The following PLD4 variants were observed in gnomAD, a reference collection of about 807,000 sequenced individuals.
The protein encoded by PLD4 is 5'-3' exonuclease PLD4.
A neutral mutation model predicts 52.3 loss-of-function variants in PLD4; 54 were observed. That is an observed-to-expected ratio of 1.03 (90% CI 0.83 to 1.30). The LOEUF (loss-of-function observed/expected upper bound fraction) is 1.30. Ranked by LOEUF, PLD4 falls within the 50% of genes most tolerant of loss-of-function variation. The pLI is 0.00. For missense variants in PLD4, 731 were observed against 671.1 expected, an observed-to-expected ratio of 1.09 and a Z score of -0.99; for synonymous variants, 264 against 286.5, an observed-to-expected ratio of 0.92 and a Z score of 0.79.
At chr14:104,935,651 CAT>C (rs1265538492), downstream of PLD4, 8 of 152,222 alleles carry the variant, frequency 5.3e-5, no homozygotes, top group African/African-American at 1.9e-4. Flanking sequence ...GATCATGTGA[CAT>C]AAGATTATAA....
Position 104,927,825 on chromosome 14 carries a change from GC to G in PLD4, c.247del (p.Leu83TrpfsTer155). The G allele has an allele frequency of 1.3e-6, 2 of 1,588,938 alleles. No homozygotes were observed. The highest frequency in any genetic ancestry group is 1.7e-5 in the Admixed American group (1 of 58,990). On this transcript the variant is annotated frameshift_variant, in exon 3 of 11. Coordinates refer to ENST00000392593, the MANE Select transcript of PLD4 (RefSeq NM_138790.5). LOFTEE classifies it high-confidence loss of function. Reference sequence around the variant, plus strand: ...AGCATGGCTCCAGCCCAGCTTGGGAGCCCCTGGAAGCAGAGGCCAGGCAGCA... The same window carrying G: ...AGCATGGCTCCAGCCCAGCTTGGGAGCCCTGGAAGCAGAGGCCAGGCAGCA... ...WEHGSSPAWEPLEAEARQQRD... is the reference protein window; with the variant it reads ...WEHGSSPAWEXLEAEARQQRD...
chr14:104,932,250 TC>T lies in PLD4; in HGVS notation c.1225-5del. On this transcript the variant is annotated splice_polypyrimidine_tract_variant and splice_region_variant and intron_variant, in intron 9 of 10. Coordinates refer to ENST00000392593, the MANE Select transcript of PLD4 (RefSeq NM_138790.5). This position sits in a 1 kb window ranked among gnomAD's most constrained non-coding sequence, Gnocchi z 6.5. ...GCCCTTCCTGACGCGCTGCCTCTGC[TC>T]CCCTAAGAAAGTCTTCATCGTGCCG... The T allele has an allele frequency of 6.2e-7, 1 of 1,612,468 alleles. No individual in the cohort carries two copies. The highest frequency in any genetic ancestry group is 8.5e-7 in the Non-Finnish European group (1 of 1,179,744).
chr14:104,931,530 G>T (rs1897644170), intron 7 of PLD4, among the ~76,000 whole-genome samples: 3 of 152,136 alleles, frequency 2.0e-5, no homozygotes, highest in Admixed American at 2.0e-4. Flanking sequence ...CCAGCCTGGA[G>T]CCCAGGGCAG....
chr14:104,931,068 G>C, intron 7 of PLD4, 126 bp downstream of exon 7: 2 of 1,090,562 alleles, frequency 1.8e-6, no homozygotes. Flanking sequence ...CAGGCAGCCA[G>C]CACCATGGGT....
chr14:104,932,970 G>A lies in PLD4; in HGVS notation c.*6G>A. Reference sequence around the variant, plus strand: ...ACTGCGTTTGGCAGGGCTGAGGGGGGCCTCTTTTTCTCTCGGCGACCCCGC... The same window carrying A: ...ACTGCGTTTGGCAGGGCTGAGGGGGACCTCTTTTTCTCTCGGCGACCCCGC... On this transcript the variant is annotated 3_prime_UTR_variant, in exon 11 of 11. Transcript: ENST00000392593. The surrounding 1 kb of genome is among the most constrained non-coding windows in gnomAD (Gnocchi z 6.5). The A allele has an allele frequency of 6.4e-7, 1 of 1,568,868 alleles. No homozygotes were observed.
At chr14:104,925,373 G>A (rs1488026507) in intron 1 of PLD4, among the ~76,000 whole-genome samples, 2 of 152,216 alleles carry the variant, frequency 1.3e-5, no homozygotes, top group African/African-American at 4.8e-5. Context: ...CCTGGCTGGC[G>A]GTCCTCCCAG....
intron 6 of PLD4, 49 bp from the exon 7 acceptor site, chr14:104,930,692 GC>G: frequency 6.3e-7 from 1 of 1,586,712 alleles, no homozygotes. Context: ...TGGGGTGGAG[GC>G]CCCACAGAGG....
chr14:104,928,691 G>A (rs1897535842), intron 3 of PLD4, 58 bp from the exon 4 acceptor site: 10 of 1,481,290 alleles, frequency 6.8e-6, no homozygotes, highest in African/African-American at 4.2e-5. Flanking sequence ...GGCAGGTGAT[G>A]TGAGGTGGGC....
rs1267746080 is a variant in PLD4, at chr14:104,929,338, T to C, written c.500T>C (p.Leu167Pro). 5.7e-6 allele frequency: 9 copies of C among 1,576,590 alleles called. No homozygotes were observed. Among genetic ancestry groups the C allele is most frequent in the Non-Finnish European group, 7.7e-6 (9 of 1,161,610 alleles). The part of the protein sequence containing the change: ...GEALLQKLQQ[L>P]LGRNISLAVA... ...GCTCTTCTGCAGAAGCTGCAGCAGC[T>C]GCTGGGCAGGAACATTTCCCTGGCT... The change falls in exon 5 of 11, where the codon CTG (leucine) becomes CCG (proline). Residue 167 changes from leucine to proline, a missense_variant. By Grantham distance (98) the Leu-to-Pro change is moderately conservative (BLOSUM62 -3). Transcript: ENST00000392593.
rs143703446 is a variant in PLD4, at chr14:104,930,933, C to A, written c.909C>A (p.Ala303=). Residue 303 remains alanine, a synonymous_variant, in exon 7 of 11, where the codon GCC becomes GCA. Transcript: ENST00000392593. ...TCTTTGATGGGGTGCCCACCACTGC[C>A]TACTTCTCAGTAAGACGGGTTGAGA... The part of the protein sequence containing the change: ...HGLFDGVPTT[A]YFSASPPALC... 16,153 of 1,613,136 alleles carry A rather than the reference C, an allele frequency of 0.01. 137 individuals carry two copies. The highest frequency in any genetic ancestry group is 0.015 in the South Asian group (1,375 of 91,078).
At chr14:104,935,472 G>A (rs1176981105), downstream of PLD4, 1 of 152,270 alleles carries the variant, frequency 6.6e-6, no homozygotes, top group Admixed American at 6.5e-5. Flanking sequence ...GTGCCACAAT[G>A]TGGCCCCTTC....
At chr14:104,933,287 A>AG (rs1469533815), downstream of PLD4, 3 of 264,780 alleles carry the variant, frequency 1.1e-5, no homozygotes, top group Non-Finnish European at 2.1e-5. Flanking sequence ...CCTCTTGCCA[A>AG]GGGCCCGCCT....
intron 1 of PLD4, among the ~76,000 whole-genome samples, chr14:104,925,526 G>T (rs1195008689): frequency 1.3e-5 from 2 of 152,184 alleles, no homozygotes; most frequent in South Asian, 4.1e-4. Flanking sequence ...GAGCATTTAA[G>T]GGAGCAAAGG....
intron 7 of PLD4, among the ~76,000 whole-genome samples, 191 bp from the exon 8 acceptor site, chr14:104,931,556 AC>A (rs1897644818): frequency 6.6e-6 from 1 of 151,604 alleles, no homozygotes; most frequent in African/African-American, 2.4e-5. Flanking sequence ...CTGCTTCCCC[AC>A]TCTCTCCGCC....
Position 104,932,210 on chromosome 14 carries a change from G to C in PLD4, c.1224+33G>C, listed in dbSNP as rs764571811. 2 of 1,612,174 alleles carry C rather than the reference G, an allele frequency of 1.2e-6. No individual in the cohort carries two copies. The highest frequency in any genetic ancestry group is 1.7e-6 in the Non-Finnish European group (2 of 1,179,666). The stretch of plus-strand genomic sequence containing the variant: ...CGTGCTCCCGGCCGGGCGTGGGAAA[G>C]GCGGCCCTCCTGCCGCCCTTCCTGA... On this transcript the variant is annotated intron_variant, in intron 9 of 10. Coordinates refer to ENST00000392593, the MANE Select transcript of PLD4 (RefSeq NM_138790.5). This position sits in a 1 kb window ranked among gnomAD's most constrained non-coding sequence, Gnocchi z 6.5.
At position 104,928,877 on chromosome 14, in the gene PLD4, A is replaced by G; in HGVS notation, c.413A>G (p.Tyr138Cys). Residue 138 changes from tyrosine (Y) to cysteine (C), a missense_variant, in exon 4 of 11, where the codon TAC (tyrosine) becomes TGC (cysteine). By Grantham distance (194) the Tyr-to-Cys change is radical (BLOSUM62 -2). Transcript: ENST00000392593. ...TAQESVHVAS[Y>C]YWSLTGPDIG... Reference sequence around the variant, plus strand: ...CAGGAGAGCGTCCACGTGGCTTCATACTACTGGTCCCTCACAGGGCCTGAC... The same window carrying G: ...CAGGAGAGCGTCCACGTGGCTTCATGCTACTGGTCCCTCACAGGGCCTGAC... 1 of 1,611,454 alleles carries G rather than the reference A, an allele frequency of 6.2e-7. No individual in the cohort carries two copies. Among genetic ancestry groups the G allele is most frequent in the Non-Finnish European group, 8.5e-7 (1 of 1,178,718 alleles).
chr14:104,931,409 G>A (rs1027503023), intron 7 of PLD4, among the ~76,000 whole-genome samples: 1 of 152,060 alleles, frequency 6.6e-6, no homozygotes, highest in Admixed American at 6.5e-5. Context: ...CTGGTCTGTA[G>A]TAGAGGCTGT....
At position 104,930,067 on chromosome 14, in the gene PLD4, A is replaced by G; in HGVS notation, c.679A>G (p.Met227Val). 1 of 1,613,520 alleles carries G rather than the reference A, an allele frequency of 6.2e-7. No homozygotes were observed. The highest frequency in any genetic ancestry group is 8.5e-7 in the Non-Finnish European group (1 of 1,179,942). The stretch of plus-strand genomic sequence containing the variant: ...GGTTGTGGATGGACGGCACATATAC[A>G]TGGGCAGTGCCAACATGGACTGGCG... ...FWVVDGRHIY[M>V]GSANMDWRSL... Residue 227 changes from methionine to valine, a missense_variant, in exon 6 of 11, where the codon ATG becomes GTG. By Grantham distance (21) the Met-to-Val change is conservative (BLOSUM62 1). Transcript: ENST00000392593.
Position 104,928,896 on chromosome 14 carries a change from G to A in PLD4, c.432G>A (p.Gly144=). Residue 144 remains glycine (G), a synonymous_variant, in exon 4 of 11, where the codon GGG becomes GGA. Transcript: ENST00000392593. ...CTTCATACTACTGGTCCCTCACAGG[G>A]CCTGACATCGGGGTCAACGACTCGT... ...HVASYYWSLT[G]PDIGVNDSSS... is the part of the protein sequence containing the mutation. 1.9e-6 allele frequency: 3 copies of A among 1,608,516 alleles called. No individual in the cohort carries two copies. The highest frequency in any genetic ancestry group is 2.6e-6 in the Non-Finnish European group (3 of 1,176,290).
Sources: gnomAD v4.1 joint callset for allele counts (sites outside exome capture counted in the v4.1 genomes callset) on GRCh38, gnomAD v4.1.1 for gene constraint, Gnocchi (gnomAD v3.1) non-coding constraint, MANE v1.5 for transcripts, NCBI Gene and HGNC (gene_info 2026-07-23, HGNC 2026-07-21) for gene names.